Variants in DIP2C observed in about 807,000 individuals in gnomAD.
The protein encoded by DIP2C is DIP2 acetate--CoA ligase C (putative).
In DIP2C, 33 loss-of-function variants were observed where a neutral mutation model predicts 192.4. The observed-to-expected ratio is 0.17, with a 90% CI of 0.13 to 0.23. The LOEUF (loss-of-function observed/expected upper bound fraction) is 0.23, where lower values mean the gene tolerates loss of function less well. DIP2C is among the 10% of genes least tolerant of loss of function. The probability of loss-of-function intolerance (pLI) is 1.00; values close to 1 mark genes in which losing one functional copy is unlikely to be tolerated. For synonymous variants in DIP2C, 979 were observed against 864.1 expected (o/e 1.13, Z -2.33); for missense variants, 1,537 against 2,110.1 (o/e 0.73, Z 5.32).
chr10:600,629 T>C (rs930669263), intron 1 of DIP2C, among the ~76,000 whole-genome samples: 8 of 150,406 alleles, frequency 5.3e-5, no homozygotes, highest in African/African-American at 1.7e-4. Context: ...TGCTCCTCAA[T>C]GACCCGACAG....
chr10:426,024 T>A (rs965805799), intron 4 of DIP2C, among the ~76,000 whole-genome samples: 1 of 152,122 alleles, frequency 6.6e-6, no homozygotes, highest in African/African-American at 2.4e-5. Flanking sequence ...GTGAAATAAA[T>A]TAACAAATTT....
intron 1 of DIP2C, among the ~76,000 whole-genome samples, chr10:586,980 C>T (rs546524697): frequency 6.6e-6 from 1 of 152,080 alleles, no homozygotes; most frequent in South Asian, 2.1e-4. Context: ...TACCCGGGTC[C>T]CCACTGACAG....
intron 32 of DIP2C, among the ~76,000 whole-genome samples, chr10:291,858 G>A (rs560947188): frequency 1.3e-5 from 2 of 152,220 alleles, no homozygotes; most frequent in Non-Finnish European, 2.9e-5. Flanking sequence ...CCTGGCACAC[G>A]AGAGGTGGGC....
intron 2 of DIP2C, among the ~76,000 whole-genome samples, chr10:474,216 T>C (rs1970875676): frequency 6.6e-6 from 1 of 152,228 alleles, no homozygotes; most frequent in Non-Finnish European, 1.5e-5. Flanking sequence ...ACTTACCACA[T>C]GACTTCCTGA....
At chr10:312,988 T>C (rs1387354201) in intron 31 of DIP2C, among the ~76,000 whole-genome samples, 1 of 152,168 alleles carries the variant, frequency 6.6e-6, no homozygotes, top group Non-Finnish European at 1.5e-5. Context: ...TTTCCTATCT[T>C]GTACCACGTG....
intron 8 of DIP2C, among the ~76,000 whole-genome samples, chr10:409,942 C>G (rs1965074277): frequency 6.6e-6 from 1 of 152,222 alleles, no homozygotes; most frequent in East Asian, 1.9e-4. Context: ...TCTCAGTAGT[C>G]AAGGTGTTAG....
intron 1 of DIP2C, among the ~76,000 whole-genome samples, chr10:577,098 TAAC>T (rs952581325): frequency 2.0e-5 from 3 of 152,156 alleles, no homozygotes; most frequent in Admixed American, 6.5e-5. Context: ...CAAGTGTGAC[TAAC>T]AACAAAAAAT....
intron 1 of DIP2C, among the ~76,000 whole-genome samples, chr10:559,980 T>G (rs1283355773): frequency 2.9e-5 from 3 of 104,120 alleles, no homozygotes; most frequent in African/African-American, 1.1e-4. Flanking sequence ...CCCCCACTCC[T>G]GTTCTCCTCT....
At chr10:545,199 T>A (rs1366447768) in intron 1 of DIP2C, among the ~76,000 whole-genome samples, 2 of 125,728 alleles carry the variant, frequency 1.6e-5, no homozygotes, top group African/African-American at 2.9e-5. Flanking sequence ...TGAGTTTCAC[T>A]CTCTCTGTCC....
intron 1 of DIP2C, among the ~76,000 whole-genome samples, chr10:678,816 GCGCCCATGCTCCCCA>G (rs1830981923): frequency 2.4e-5 from 1 of 42,502 alleles, no homozygotes; most frequent in African/African-American, 9.5e-5. Flanking sequence ...CATGCTCCCC[GCGCCCATGCTCCCCA>G]CACCCGTGCT....
At chr10:575,233 T>C (rs1353685938) in intron 1 of DIP2C, among the ~76,000 whole-genome samples, 6 of 152,086 alleles carry the variant, frequency 3.9e-5, no homozygotes, top group African/African-American at 1.4e-4. Flanking sequence ...ACAAAGTTTA[T>C]TGTGAGTACA....
chr10:362,455 C>A (rs1173707209), intron 22 of DIP2C, 35 bp downstream of exon 22: 1 of 1,605,896 alleles, frequency 6.2e-7, no homozygotes, highest in East Asian at 2.2e-5. Context: ...AAGGGAACTC[C>A]CGCACCTCAC....
intron 4 of DIP2C, among the ~76,000 whole-genome samples, chr10:427,838 T>C (rs754099922): frequency 2.0e-5 from 3 of 152,222 alleles, no homozygotes; most frequent in Non-Finnish European, 4.4e-5. Context: ...ACAGCTATTT[T>C]GTAAACAATT....
chr10:569,936 G>A (rs745958691), intron 1 of DIP2C, among the ~76,000 whole-genome samples: 3 of 152,186 alleles, frequency 2.0e-5, no homozygotes, highest in Admixed American at 2.0e-4. Context: ...GAAATCTACA[G>A]TGCTTCTGGC....
At chr10:543,462 A>G (rs1475142338) in intron 1 of DIP2C, among the ~76,000 whole-genome samples, 2 of 152,242 alleles carry the variant, frequency 1.3e-5, no homozygotes, top group Non-Finnish European at 2.9e-5. Flanking sequence ...CTGCACCACT[A>G]AAGACCATCT....
At chr10:540,511 T>G (rs1847921414) in intron 1 of DIP2C, among the ~76,000 whole-genome samples, 2 of 152,152 alleles carry the variant, frequency 1.3e-5, no homozygotes, top group Admixed American at 6.5e-5. Context: ...TTGCCCCTTC[T>G]CTCACTGAAA....
intron 9 of DIP2C, among the ~76,000 whole-genome samples, chr10:400,742 CTTCTT>C (rs1010135390): frequency 6.6e-6 from 1 of 150,848 alleles, no homozygotes; most frequent in Non-Finnish European, 1.5e-5. Context: ...TAGCATTACT[CTTCTT>C]TATGGACAAG....
intron 8 of DIP2C, among the ~76,000 whole-genome samples, chr10:409,576 C>G (rs917594589): frequency 3.9e-5 from 6 of 152,216 alleles, no homozygotes; most frequent in South Asian, 2.1e-4. Context: ...GCACAGAAAC[C>G]GCGGGGAAGG....
intron 1 of DIP2C, among the ~76,000 whole-genome samples, chr10:638,095 G>A (rs886600098): frequency 7.2e-5 from 11 of 152,270 alleles, no homozygotes; most frequent in Admixed American, 6.5e-4. Context: ...CTCGGGCAAT[G>A]CACAGGTAAC....
Sources: allele counts gnomAD v4.1 joint callset (sites outside exome capture counted in the v4.1 genomes callset), GRCh38; gene constraint gnomAD v4.1.1; transcripts MANE v1.5; gene names NCBI Gene and HGNC (gene_info 2026-07-23, HGNC 2026-07-21).